The following FAT2 variants were observed in gnomAD, a reference collection of about 807,000 sequenced individuals.
The protein encoded by FAT2 is FAT atypical cadherin 2, also known as protocadherin Fat 2.
Under a neutral mutation model 295.3 loss-of-function variants are expected in FAT2, and 150 were observed. That is an observed-to-expected ratio of 0.51 (90% CI 0.44 to 0.58). The LOEUF (loss-of-function observed/expected upper bound fraction) is 0.58, where lower values mean the gene tolerates loss of function less well. Among genes scored for constraint, FAT2 ranks in the 20% least tolerant of loss-of-function variants. The pLI is 0.00. For synonymous variants in FAT2, 2,026 were observed against 2,150.3 expected (o/e 0.94, Z 1.60); for missense variants, 4,868 against 5,442.7 (o/e 0.89, Z 3.32).
chr5:151,565,634 C>T (rs565878238), intron 2 of FAT2, 39 bp downstream of exon 2: 2 of 1,525,536 alleles, frequency 1.3e-6, no homozygotes, highest in Admixed American at 2.0e-5. Flanking sequence ...GCCCATCTAC[C>T]TCTGGCCCTG....
chr5:151,514,784 C>T (rs573450967), intron 20 of FAT2, among the ~76,000 whole-genome samples: 1 of 152,298 alleles, frequency 6.6e-6, no homozygotes, highest in East Asian at 1.9e-4. Flanking sequence ...CACATCTATC[C>T]ACCTTAGCTA....
At position 151,567,396 on chromosome 5, in the gene FAT2, C is replaced by A; in HGVS notation, c.1536G>T (p.Gly512=). ...ALPFSIDPYL[G]IISTSKPMDY... ...CCATGGGTTTGGAGGTGGAGATGAT[C>A]CCCAGGTAGGGGTCAATAGAAAATG... is the stretch of plus-strand genomic sequence containing the variant. The change falls in exon 2 of 24, where the codon GGG becomes GGT. Residue 512 remains glycine, a synonymous_variant. Coordinates refer to ENST00000261800, the MANE Select transcript of FAT2 (RefSeq NM_001447.3). 2 of 1,614,114 alleles carry A rather than the reference C, an allele frequency of 1.2e-6. No homozygotes were observed. The highest frequency in any genetic ancestry group is 2.2e-5 in the South Asian group (2 of 91,080).
rs1302108180 is a variant in FAT2, at chr5:151,544,605, A to G, written c.6522T>C (p.Pro2174=). Residue 2174 remains proline (P), a synonymous_variant, in exon 10 of 24, where the codon CCT becomes CCC. Coordinates refer to ENST00000261800, the MANE Select transcript of FAT2 (RefSeq NM_001447.3). The stretch of plus-strand genomic sequence containing the variant: ...TTTCAGGTACTCTGACTTTGTAATA[A>G]GGACTCTGAAACAGTGGGTTGGATT... ...RNKSNPLFQS[P]YYKVRVPENI... is the part of the protein sequence containing the mutation. The G allele has an allele frequency of 6.2e-7, 1 of 1,614,148 alleles. No individual in the cohort carries two copies. Among genetic ancestry groups the G allele is most frequent in the Admixed American group, 1.7e-5 (1 of 60,022 alleles).
chr5:151,564,152 C>A (rs1233557995), intron 2 of FAT2, among the ~76,000 whole-genome samples: 2 of 152,228 alleles, frequency 1.3e-5, no homozygotes. Context: ...ATTCCCTCCA[C>A]AAATTGCTTA....
chr5:151,505,291 G>GGC lies in FAT2; in HGVS notation c.*273_*274insGC, dbSNP rs1760751254. ...GCCCTCCTGTCTCTCGCCCACCCCG[G>GGC]GAGTCAATTGTTCCTGGTTTTCCAG... On this transcript the variant is annotated 3_prime_UTR_variant, in exon 24 of 24. Coordinates refer to ENST00000261800, the MANE Select transcript of FAT2 (RefSeq NM_001447.3). 2.1e-5 allele frequency: 11 copies of GGC among 514,656 alleles called. No homozygotes were observed. In the South Asian group the frequency reaches 2.8e-4, roughly 13 times the overall value. The allele number at this position is 514,656 out of a possible 1,614,324, so 31.9% of individuals were successfully genotyped here. A position where few individuals can be genotyped will look rare whatever the true frequency, so the allele number is the denominator to read the frequency against.
intron 20 of FAT2, among the ~76,000 whole-genome samples, chr5:151,513,107 G>A (rs1761448491): frequency 6.6e-6 from 1 of 152,170 alleles, no homozygotes. Flanking sequence ...TTTCTCACAA[G>A]TATACAACAG....
rs766494821 is a variant in FAT2 at position 151,554,542 on chromosome 5, C to G, written c.3765G>C (p.Leu1255=). Residue 1255 remains leucine (L), a synonymous_variant, in exon 5 of 24, where the codon CTG becomes CTC. Transcript: ENST00000261800. ...KLFNVRLPER[L]SPVSPGPVYR... ...ACACAGGCCCAGGGGACACAGGGCT[C>G]AGCCTCTCTGGAAGGCGGACATTGA... 1.2e-5 allele frequency: 19 copies of G among 1,614,046 alleles called. No homozygotes were observed. In the African/African-American group the frequency reaches 2.5e-4, roughly 22 times the overall value.
intron 2 of FAT2, among the ~76,000 whole-genome samples, chr5:151,564,627 A>G (rs1328783146): frequency 6.6e-6 from 1 of 152,216 alleles, no homozygotes; most frequent in African/African-American, 2.4e-5. Flanking sequence ...GGGCCTTACC[A>G]GTAGTGGGCA....
chr5:151,593,294 G>A (rs576102681), upstream of FAT2, among the ~76,000 whole-genome samples: 3 of 149,288 alleles, frequency 2.0e-5, no homozygotes, highest in Admixed American at 6.6e-5. Context: ...AGTAGCAGGC[G>A]ACTGTCTTCC....
Position 151,527,995 on chromosome 5 carries a change from C to A in FAT2, c.10164+1G>T. Reference sequence around the variant, plus strand: ...GGGTGCGCCCCTCCCACATGACTCACCTGTTCCCGGTCCAGGGCCTTGGCC... The same window carrying A: ...GGGTGCGCCCCTCCCACATGACTCAACTGTTCCCGGTCCAGGGCCTTGGCC... On this transcript the variant is annotated splice_donor_variant, in intron 16 of 23. Coordinates refer to ENST00000261800, the MANE Select transcript of FAT2 (RefSeq NM_001447.3). LOFTEE classifies it high-confidence loss of function. 6.2e-7 allele frequency: 1 copy of A among 1,613,944 alleles called. No homozygotes were observed.
chr5:151,560,967 CGTTG>C (rs1419677425), intron 3 of FAT2, among the ~76,000 whole-genome samples: 4 of 152,100 alleles, frequency 2.6e-5, no homozygotes, highest in African/African-American at 7.2e-5. Flanking sequence ...TCTCAGGGAA[CGTTG>C]AAGTCTAGTG....
chr5:151,575,805 C>G (rs11746961), intron 1 of FAT2, among the ~76,000 whole-genome samples: 35,017 of 152,174 alleles, frequency 0.23, 5,018 homozygotes, highest in Non-Finnish European at 0.32. Flanking sequence ...GCAGAACTTT[C>G]TGCAGTGATG....
rs186467660 is a variant in FAT2, at chr5:151,522,238, C to A, written c.10507-152G>T. The A allele has an allele frequency of 1.6e-4, 90 of 563,972 alleles. 1 individual carries two copies. Among genetic ancestry groups the A allele is most frequent in the African/African-American group, 1.2e-3 (64 of 53,142 alleles). 34.9% of individuals were successfully genotyped at this position (563,972 alleles called of 1,614,324 possible). On this transcript the variant is annotated intron_variant, in intron 18 of 23. Coordinates refer to ENST00000261800, the MANE Select transcript of FAT2 (RefSeq NM_001447.3). ...CATTGTTGCATTTAGAAAAAAAAAA[C>A]CTAACTCCAAAAGCACTGACAGAAA...
At chr5:151,523,911 G>T (rs983570093) in intron 18 of FAT2, among the ~76,000 whole-genome samples, 1 of 152,148 alleles carries the variant, frequency 6.6e-6, no homozygotes, top group Non-Finnish European at 1.5e-5. Context: ...AAGTCTTCAT[G>T]GGAGCCAACA....
intron 3 of FAT2, among the ~76,000 whole-genome samples, chr5:151,560,590 G>A (rs1424757527): frequency 6.6e-6 from 1 of 152,190 alleles, no homozygotes; most frequent in African/African-American, 2.4e-5. Flanking sequence ...ACCACCCAGA[G>A]CAGCTTCCTC....
In FAT2 at chr5:151,534,452, C is replaced by T; in HGVS notation, c.9384G>A (p.Val3128=). The T allele has an allele frequency of 1.2e-6, 2 of 1,613,700 alleles. No individual in the cohort carries two copies. The highest frequency in any genetic ancestry group is 1.1e-5 in the South Asian group (1 of 91,054). ...CAVAVFDNTT[V]KTPVAVVFAR... ...CAAATACTACAGCCACAGGGGTCTT[C>T]ACTGTGGTGTTGTCGAAGACAGCCA... The change falls in exon 13 of 24, where the codon GTG becomes GTA. Residue 3128 remains valine (V), a synonymous_variant. Transcript: ENST00000261800.
intron 23 of FAT2, 31 bp downstream of exon 23, chr5:151,507,123 C>G: frequency 6.6e-7 from 1 of 1,521,290 alleles, no homozygotes; most frequent in Non-Finnish European, 8.8e-7. Flanking sequence ...TCCATCAATC[C>G]CAGAGGCTAA....
chr5:151,528,046 G>A lies in FAT2; in HGVS notation c.10114C>T (p.His3372Tyr), dbSNP rs1754203288. The change falls in exon 16 of 24, where the codon CAC (histidine) becomes TAC (tyrosine). Residue 3372 changes from histidine to tyrosine, a missense_variant. Physicochemically the swap from His to Tyr is moderately conservative, Grantham distance 83. This residue lies in a region of FAT2 where 1,046 missense variants were observed against 1,210.1 expected (regional missense o/e 0.86). Coordinates refer to ENST00000261800, the MANE Select transcript of FAT2 (RefSeq NM_001447.3). ...GGNQLGHFTI[H>Y]PKKGELQVAK... is the part of the protein sequence containing the mutation. ...ACCTGTAGCTCCCCCTTTTTGGGGT[G>A]AATGGTGAAGTGCCCAAGCTGGTTC... The A allele has an allele frequency of 6.2e-7, 1 of 1,614,216 alleles. No homozygotes were observed. Among genetic ancestry groups the A allele is most frequent in the Non-Finnish European group, 8.5e-7 (1 of 1,180,030 alleles).
intron 10 of FAT2, among the ~76,000 whole-genome samples, chr5:151,542,005 T>C (rs1756196988): frequency 6.6e-6 from 1 of 152,244 alleles, no homozygotes; most frequent in Non-Finnish European, 1.5e-5. Context: ...AGTTAGAGTA[T>C]GACTCATGTA....
Sources: gnomAD v4.1 joint callset for allele counts (sites outside exome capture counted in the v4.1 genomes callset) on GRCh38, gnomAD v4.1.1 for gene constraint, gnomAD v4.1.1 regional missense constraint, MANE v1.5 for transcripts, NCBI Gene and HGNC (gene_info 2026-07-23, HGNC 2026-07-21) for gene names.